The following ACOXL variants were observed in gnomAD, a reference collection of about 807,000 sequenced individuals.
ACOXL encodes acyl-coenzyme A oxidase-like protein.
In ACOXL, 70 loss-of-function variants were observed where a neutral mutation model predicts 71.9. The ratio of observed to expected loss-of-function variants is 0.97; its 90% CI spans 0.80 to 1.19. ACOXL has a LOEUF of 1.19. ACOXL is among the 50% of genes most tolerant of loss of function. The pLI, the probability that ACOXL is intolerant of heterozygous loss-of-function variation, is 0.00. For synonymous variants in ACOXL, 253 were observed against 281.6 expected (o/e 0.90, Z 1.02); for missense variants, 703 against 736.3 (o/e 0.95, Z 0.52).
intron 10 of ACOXL, among the ~76,000 whole-genome samples, chr2:110,894,536 C>T (rs77735720): frequency 0.014 from 2,191 of 152,188 alleles, 29 homozygotes; most frequent in Middle Eastern, 0.058. Flanking sequence ...AATGAGGTTC[C>T]GTAACTCCAT....
At chr2:110,966,042 G>C (rs1905357) in intron 12 of ACOXL, among the ~76,000 whole-genome samples, 53,098 of 152,006 alleles carry the variant, frequency 0.35, 10,399 homozygotes, top group Middle Eastern at 0.51. Flanking sequence ...CCATTCTCCC[G>C]ACCGCCGTTG....
intron 12 of ACOXL, among the ~76,000 whole-genome samples, chr2:110,938,230 CTG>C (rs2149358256): frequency 6.6e-6 from 1 of 152,302 alleles, no homozygotes; most frequent in Non-Finnish European, 1.5e-5. Flanking sequence ...GTGTGGGAGT[CTG>C]TGGTGCACTG....
intron 16 of ACOXL, among the ~76,000 whole-genome samples, chr2:111,077,267 A>G (rs1166380538): frequency 6.6e-6 from 1 of 152,098 alleles, no homozygotes; most frequent in Non-Finnish European, 1.5e-5. Context: ...CAATATATAT[A>G]CTTAACTTTA....
At chr2:110,934,086 T>TG (rs1306390505) in intron 12 of ACOXL, among the ~76,000 whole-genome samples, 3 of 152,206 alleles carry the variant, frequency 2.0e-5, no homozygotes, top group Non-Finnish European at 4.4e-5. Context: ...AGTCTCAGAC[T>TG]GGATTGTGTG....
intron 5 of ACOXL, 23 bp downstream of exon 5, chr2:110,794,197 G>T (rs1169851782): frequency 1.2e-6 from 2 of 1,609,580 alleles, no homozygotes; most frequent in Admixed American, 3.3e-5. Context: ...TCCTTCTCCT[G>T]CCGTGCAGGG....
At chr2:110,945,063 C>T (rs933217735) in intron 12 of ACOXL, among the ~76,000 whole-genome samples, 1 of 152,166 alleles carries the variant, frequency 6.6e-6, no homozygotes, top group African/African-American at 2.4e-5. Flanking sequence ...GATGGTATCT[C>T]ATTGTGATTT....
intron 10 of ACOXL, among the ~76,000 whole-genome samples, chr2:110,890,511 C>T (rs992632640): frequency 6.6e-6 from 1 of 152,124 alleles, no homozygotes; most frequent in Non-Finnish European, 1.5e-5. Flanking sequence ...AGGGCTCAAA[C>T]TTCTTTCTTT....
intron 15 of ACOXL, among the ~76,000 whole-genome samples, chr2:111,036,193 G>A (rs2065503006): frequency 6.6e-6 from 1 of 152,220 alleles, no homozygotes; most frequent in African/African-American, 2.4e-5. Context: ...AGGCCTGGAG[G>A]GGAGGGGAAG....
chr2:110,881,999 A>C (rs2149098112), intron 10 of ACOXL, among the ~76,000 whole-genome samples: 1 of 152,294 alleles, frequency 6.6e-6, no homozygotes, highest in African/African-American at 2.4e-5. Context: ...ATAAGAATAG[A>C]ATGGTTAGAT....
chr2:110,846,124 A>T (rs1052693203), intron 10 of ACOXL, among the ~76,000 whole-genome samples: 1 of 152,106 alleles, frequency 6.6e-6, no homozygotes, highest in African/African-American at 2.4e-5. Context: ...TCAAGATTTG[A>T]GACTTTAGAT....
intron 10 of ACOXL, among the ~76,000 whole-genome samples, chr2:110,875,281 C>T (rs541170860): frequency 6.6e-6 from 1 of 152,188 alleles, no homozygotes; most frequent in Non-Finnish European, 1.5e-5. Context: ...AGGGAAGGAC[C>T]GTGGAGAGCA....
At chr2:110,786,753 G>T (rs1684008241) in intron 3 of ACOXL, among the ~76,000 whole-genome samples, 1 of 152,348 alleles carries the variant, frequency 6.6e-6, no homozygotes, top group East Asian at 1.9e-4. Flanking sequence ...AATGAGGGAA[G>T]GGGCAGCCTG....
At chr2:110,782,456 T>C (rs1022775506) in intron 2 of ACOXL, among the ~76,000 whole-genome samples, 4 of 152,204 alleles carry the variant, frequency 2.6e-5, no homozygotes, top group Admixed American at 2.6e-4. Context: ...GGAACTTTGG[T>C]TTGGCATCTG....
chr2:110,848,410 G>A (rs556451368), intron 10 of ACOXL, among the ~76,000 whole-genome samples: 6 of 152,292 alleles, frequency 3.9e-5, no homozygotes, highest in South Asian at 4.1e-4. Flanking sequence ...CTTTTGGATG[G>A]TTGCGTTTTT....
rs567192999 is a variant in ACOXL, at chr2:110,755,894, C to A, written c.-22-12474C>A. Among the ~76,000 whole-genome samples, 5 of 151,850 alleles carry A rather than the reference C, an allele frequency of 3.3e-5. No individual in the cohort carries two copies. In the South Asian group the frequency reaches 1.0e-3, roughly 32 times the overall value. On this transcript the variant is annotated intron_variant, in intron 1 of 17. Transcript: ENST00000439055. The stretch of plus-strand genomic sequence containing the variant: ...TAAAAACTGTTAGTTTCTAGTGTGT[C>A]CTTAAAGAAATTAAAAAAAATACAC...
rs1338942560 is a variant in ACOXL at position 111,006,483 on chromosome 2, C to T, written c.1281+10479C>T. Among the ~76,000 whole-genome samples, 3 of 152,098 alleles carry T rather than the reference C, an allele frequency of 2.0e-5. No homozygotes were observed. In the East Asian group the frequency reaches 5.8e-4, roughly 29 times the overall value. ...CTCCCAGAAGTACAGTGCTCCCAAG[C>T]CTTAGCTTGGCACTTCCCTCTTTGT... is the stretch of plus-strand genomic sequence containing the variant. On this transcript the variant is annotated intron_variant, in intron 14 of 17. Transcript: ENST00000439055.
intron 9 of ACOXL, among the ~76,000 whole-genome samples, chr2:110,819,762 C>A (rs527925089): frequency 3.4e-4 from 51 of 152,192 alleles, no homozygotes; most frequent in African/African-American, 1.2e-3. Flanking sequence ...ACAAGGTAGC[C>A]AATAACACTG....
intron 12 of ACOXL, among the ~76,000 whole-genome samples, chr2:110,949,640 T>G (rs2061248715): frequency 6.6e-6 from 1 of 152,218 alleles, no homozygotes; most frequent in South Asian, 2.1e-4. Context: ...AATCAGCTCT[T>G]ATTTTTTTTT....
intron 9 of ACOXL, among the ~76,000 whole-genome samples, chr2:110,816,800 T>A (rs1262251033): frequency 6.6e-6 from 1 of 152,188 alleles, no homozygotes. Context: ...GAGAAATGAA[T>A]CTTTTACTCC....
Sources: allele counts gnomAD v4.1 joint callset (sites outside exome capture counted in the v4.1 genomes callset), GRCh38; gene constraint gnomAD v4.1.1; transcripts MANE v1.5; gene names NCBI Gene and HGNC (gene_info 2026-07-23, HGNC 2026-07-21).